Variants in DAG1 observed in about 807,000 individuals in gnomAD.
DAG1 encodes the protein dystroglycan 1.
A neutral mutation model predicts 46.1 loss-of-function variants in DAG1; 8 were observed. The ratio of observed to expected loss-of-function variants is 0.17; its 90% confidence interval spans 0.10 to 0.31. The LOEUF (loss-of-function observed/expected upper bound fraction) is 0.31. Among genes scored for constraint, DAG1 ranks in the 10% least tolerant of loss-of-function variants. The pLI is 1.00. For synonymous variants in DAG1, 495 were observed against 481.8 expected, an observed-to-expected ratio of 1.03 and a Z score of -0.36; for missense variants, 1,003 against 1,189.9, an observed-to-expected ratio of 0.84 and a Z score of 2.31.
chr3:49,528,561 A>C (rs1468369337), intron 2 of DAG1, among the ~76,000 whole-genome samples: 1 of 152,132 alleles, frequency 6.6e-6, no homozygotes, highest in African/African-American at 2.4e-5. Context: ...CTGGGATTAC[A>C]GGCATGAGCC....
At chr3:49,516,813 G>A (rs1011978623) in intron 2 of DAG1, among the ~76,000 whole-genome samples, 6 of 152,056 alleles carry the variant, frequency 3.9e-5, no homozygotes. Flanking sequence ...TGTTATTGGG[G>A]GTTCAGATCT....
At chr3:49,493,345 G>A (rs2050236762) in intron 1 of DAG1, among the ~76,000 whole-genome samples, 1 of 152,000 alleles carries the variant, frequency 6.6e-6, no homozygotes, top group African/African-American at 2.4e-5. Flanking sequence ...TGCCTTGCCT[G>A]CTTTTCATTT....
At chr3:49,517,649 G>T (rs1366522565) in intron 2 of DAG1, among the ~76,000 whole-genome samples, 1 of 152,224 alleles carries the variant, frequency 6.6e-6, no homozygotes, top group Non-Finnish European at 1.5e-5. Flanking sequence ...CTGGCTTTTG[G>T]AATGAAGGCT....
intron 2 of DAG1, among the ~76,000 whole-genome samples, chr3:49,517,684 A>C (rs2050933509): frequency 6.6e-6 from 1 of 152,372 alleles, no homozygotes; most frequent in South Asian, 2.1e-4. Flanking sequence ...TTGGAAGATC[A>C]GGGCCAACCT....
In DAG1 at chr3:49,501,702, A is replaced by C. The variant is rs528784835; in HGVS notation, c.-116-8717A>C. On this transcript the variant is annotated intron_variant, in intron 1 of 2. Transcript: ENST00000308775. Reference sequence around the variant, plus strand: ...GTGGCAGGTGCTTGTAGTCCCAGCTACTTGGGAGGCTGAGGCAGGGAGAAT... The same window carrying C: ...GTGGCAGGTGCTTGTAGTCCCAGCTCCTTGGGAGGCTGAGGCAGGGAGAAT... Among the ~76,000 whole-genome samples, 41 of 152,098 alleles carry C rather than the reference A, an allele frequency of 2.7e-4. 1 individual carries two copies. The South Asian group carries it at 7.3e-3, about 27-fold the overall frequency.
At chr3:49,521,857 T>G (rs2051034968) in intron 2 of DAG1, among the ~76,000 whole-genome samples, 1 of 144,708 alleles carries the variant, frequency 6.9e-6, no homozygotes, top group African/African-American at 2.5e-5. Context: ...TAGACCTTTG[T>G]TTTTTTTTTT....
chr3:49,474,409 G>C (rs534719394), intron 1 of DAG1, among the ~76,000 whole-genome samples: 2 of 151,910 alleles, frequency 1.3e-5, no homozygotes, highest in African/African-American at 2.4e-5. Flanking sequence ...GAAGTGGTGC[G>C]ATCTTGGCTC....
intron 1 of DAG1, among the ~76,000 whole-genome samples, chr3:49,505,610 A>C (rs961772184): frequency 6.6e-6 from 1 of 152,190 alleles, no homozygotes; most frequent in Non-Finnish European, 1.5e-5. Flanking sequence ...GGCATTTTCT[A>C]CATAGACAAT....
intron 2 of DAG1, among the ~76,000 whole-genome samples, chr3:49,517,667 C>T (rs1240249163): frequency 6.6e-6 from 1 of 152,180 alleles, no homozygotes; most frequent in East Asian, 1.9e-4. Flanking sequence ...GCTGCAGGAC[C>T]ACAGGTTTGG....
chr3:49,475,152 T>G (rs1403387852), intron 1 of DAG1, among the ~76,000 whole-genome samples: 3 of 150,502 alleles, frequency 2.0e-5, no homozygotes, highest in African/African-American at 7.4e-5. Flanking sequence ...TTACCCAGAT[T>G]CGAGTGCAAT....
chr3:49,483,458 C>A (rs1297381668), intron 1 of DAG1, among the ~76,000 whole-genome samples: 1 of 152,074 alleles, frequency 6.6e-6, no homozygotes, highest in Non-Finnish European at 1.5e-5. Flanking sequence ...CCTGCCTCGG[C>A]CTTCTAAAGT....
intron 2 of DAG1, among the ~76,000 whole-genome samples, chr3:49,512,160 T>TAGCTGGGA (rs1288364006): frequency 6.6e-6 from 1 of 152,076 alleles, no homozygotes; most frequent in Non-Finnish European, 1.5e-5. Context: ...GCCTCCCAAG[T>TAGCTGGGA]AGCTGGGACT....
intron 1 of DAG1, among the ~76,000 whole-genome samples, chr3:49,496,592 C>T (rs1343243169): frequency 6.6e-6 from 1 of 151,726 alleles, no homozygotes; most frequent in African/African-American, 2.4e-5. Flanking sequence ...GAACTCCTGA[C>T]CTTGTGATCC....
chr3:49,486,802 C>CGT (rs2050044049), intron 1 of DAG1, among the ~76,000 whole-genome samples: 1 of 152,202 alleles, frequency 6.6e-6, no homozygotes, highest in Non-Finnish European at 1.5e-5. Flanking sequence ...TGCGCTCAGC[C>CGT]TGATATGAAT....
chr3:49,476,305 T>C (rs1240861102), intron 1 of DAG1, among the ~76,000 whole-genome samples: 1 of 152,162 alleles, frequency 6.6e-6, no homozygotes, highest in Non-Finnish European at 1.5e-5. Context: ...TGTTGAGGTT[T>C]TGGGCTGGGC....
At position 49,510,511 on chromosome 3, in the gene DAG1, G is replaced by T. The variant is rs750907019; in HGVS notation, c.-24G>T. 1.2e-5 allele frequency: 20 copies of T among 1,610,886 alleles called. No individual in the cohort carries two copies. Among genetic ancestry groups the T allele is most frequent in the Non-Finnish European group, 1.6e-5 (19 of 1,179,742 alleles). On this transcript the variant is annotated 5_prime_UTR_variant, in exon 2 of 3. Coordinates refer to ENST00000308775, the MANE Select transcript of DAG1 (RefSeq NM_004393.6). The stretch of plus-strand genomic sequence containing the variant: ...TGCTTCCTTACTTAGCAAGACTATC[G>T]ACTTGAGCAAACTTGGACCTGGGAT...
At chr3:49,524,594 TC>T (rs889644260) in intron 2 of DAG1, among the ~76,000 whole-genome samples, 1 of 152,238 alleles carries the variant, frequency 6.6e-6, no homozygotes, top group Non-Finnish European at 1.5e-5. Flanking sequence ...GGTGGGATGA[TC>T]ACTTCAGCCC....
In DAG1 at chr3:49,510,454, G is replaced by A. The variant is rs1456320008; in HGVS notation, c.-81G>A. The A allele has an allele frequency of 2.1e-6, 3 of 1,403,530 alleles. No homozygotes were observed. Among genetic ancestry groups the A allele is most frequent in the Non-Finnish European group, 3.0e-6 (3 of 998,638 alleles). The allele number at this position is 1,403,530 out of a possible 1,614,324, so 86.9% of individuals were successfully genotyped here. A position where few individuals can be genotyped will look rare whatever the true frequency, so the allele number is the denominator to read the frequency against. ...CTCCGGGATGGAGCAGGTGTGCAGA[G>A]GGTGAGAACCCAGCTCTGGGACCAA... On this transcript the variant is annotated 5_prime_UTR_variant, in exon 2 of 3. Transcript: ENST00000308775.
At chr3:49,471,793 T>G (rs2049524784) in intron 1 of DAG1, among the ~76,000 whole-genome samples, 1 of 152,224 alleles carries the variant, frequency 6.6e-6, no homozygotes, top group African/African-American at 2.4e-5. Context: ...TGGTAGATCC[T>G]AGGGACCCAT....
Sources: allele counts gnomAD v4.1 joint callset (sites outside exome capture counted in the v4.1 genomes callset), GRCh38; gene constraint gnomAD v4.1.1; transcripts MANE v1.5; gene names NCBI Gene and HGNC (gene_info 2026-07-23, HGNC 2026-07-21).